Variants in SPG7 observed in about 807,000 individuals in gnomAD.
SPG7 encodes mitochondrial inner membrane m-AAA protease component paraplegin.
In SPG7, 103 loss-of-function variants were observed where a neutral mutation model predicts 81.9. The observed-to-expected ratio is 1.26, with a 90% CI of 1.07 to 1.48. The LOEUF (loss-of-function observed/expected upper bound fraction) is 1.48. Among genes scored for constraint, SPG7 ranks in the 40% most tolerant of loss-of-function variants. The pLI is 0.00. For synonymous variants in SPG7, 534 were observed against 444.2 expected, an observed-to-expected ratio of 1.20 and a Z score of -2.54; for missense variants, 1,241 against 1,087.3, an observed-to-expected ratio of 1.14 and a Z score of -1.99.
chr16:89,526,623 A>C, intron 5 of SPG7, 155 bp downstream of exon 5: 1 of 772,802 alleles, frequency 1.3e-6, no homozygotes, highest in Non-Finnish European at 2.3e-6. Flanking sequence ...TGAATGATAC[A>C]ATGCCAGGAG....
At chr16:89,532,397 G>T in intron 8 of SPG7, 66 bp from the exon 9 acceptor site, 1 of 1,568,208 alleles carries the variant, frequency 6.4e-7, no homozygotes, top group African/African-American at 1.4e-5. Flanking sequence ...TGTCTGGCCC[G>T]GGTACAGGAA....
At position 89,527,833 on chromosome 16, in the gene SPG7, G is replaced by T. The variant is rs375026017; in HGVS notation, c.758+1365G>T. On this transcript the variant is annotated intron_variant, in intron 5 of 16. Coordinates refer to ENST00000645818, the MANE Select transcript of SPG7 (RefSeq NM_003119.4). The stretch of plus-strand genomic sequence containing the variant: ...ACCTCTAGCCGGGTGCAGTGGCTAT[G>T]CCTGTAATCCCAGCACTTTGGAAGG... 9.2e-5 allele frequency among the ~76,000 whole-genome samples: 14 copies of T among 152,066 alleles called. 1 individual carries two copies. The South Asian group carries it at 2.9e-3, about 32-fold the overall frequency.
intron 9 of SPG7, among the ~76,000 whole-genome samples, chr16:89,536,582 G>GTGTGA (rs2058424814): frequency 1.1e-4 from 6 of 56,272 alleles, no homozygotes; most frequent in African/African-American, 3.3e-4. Flanking sequence ...CAGGTGAGGC[G>GTGTGA]GGTGAGGTGA....
chr16:89,557,758 G>A lies in SPG7; in HGVS notation c.*665G>A, dbSNP rs1171590915. On this transcript the variant is annotated 3_prime_UTR_variant, in exon 17 of 17. Coordinates refer to ENST00000645818, the MANE Select transcript of SPG7 (RefSeq NM_003119.4). ...ACTTTACTAATAAACTGTGTAGTTG[G>A]AAAATCTACATTTGCATTGTCTGGC... The A allele has an allele frequency of 6.5e-6, 1 of 153,310 alleles. No individual in the cohort carries two copies. Among genetic ancestry groups the A allele is most frequent in the Non-Finnish European group, 1.5e-5 (1 of 68,792 alleles). The allele number at this position is 153,310 out of a possible 1,614,324, so 9.5% of individuals were successfully genotyped here.
At chr16:89,523,834 C>T (rs757149764) in intron 3 of SPG7, 172 bp from the exon 4 acceptor site, 15 of 864,764 alleles carry the variant, frequency 1.7e-5, no homozygotes, top group Non-Finnish European at 2.6e-5. Context: ...AACAGCACAG[C>T]GTTAGTCTTT....
At chr16:89,552,770 G>T (rs1224666663) in intron 13 of SPG7, 1 of 612,596 alleles carries the variant, frequency 1.6e-6, no homozygotes, top group Non-Finnish European at 3.0e-6. Flanking sequence ...CTTCCCGGCA[G>T]TGTGTGAACA....
chr16:89,544,702 T>G lies in SPG7; in HGVS notation c.1379T>G (p.Ile460Ser). The change falls in exon 10 of 17, where the codon ATT becomes AGT. Residue 460 changes from isoleucine (I) to serine (S), a missense_variant. By Grantham distance (142) the Ile-to-Ser change is moderately radical (BLOSUM62 -2). Transcript: ENST00000645818. ...IVLASTNRAD[I>S]LDGALMRPGR... The stretch of plus-strand genomic sequence containing the variant: ...CTGGCGTCCACGAACCGAGCTGACA[T>G]TTTGGACGGTGCTCTGATGAGGCCA... 6.2e-7 allele frequency: 1 copy of G among 1,614,080 alleles called. No individual in the cohort carries two copies. Among genetic ancestry groups the G allele is most frequent in the Non-Finnish European group, 8.5e-7 (1 of 1,179,986 alleles).
chr16:89,532,107 C>G (rs1408051358), intron 8 of SPG7, 41 bp downstream of exon 8: 1 of 1,597,818 alleles, frequency 6.3e-7, no homozygotes, highest in Admixed American at 1.7e-5. Context: ...GCTTGGCTGA[C>G]TACCTGGCTC....
chr16:89,524,900 C>T (rs1161765553), intron 4 of SPG7, among the ~76,000 whole-genome samples: 1 of 151,686 alleles, frequency 6.6e-6, no homozygotes, highest in Non-Finnish European at 1.5e-5. Flanking sequence ...ACCAGAGCTT[C>T]TGCCCCTTTG....
In SPG7 at chr16:89,556,824, C is replaced by CA. The variant is rs1043718912; in HGVS notation, c.2182-62dup. On this transcript the variant is annotated intron_variant, in intron 16 of 16. Coordinates refer to ENST00000645818, the MANE Select transcript of SPG7 (RefSeq NM_003119.4). Reference sequence around the variant, plus strand: ...GCCCTCACGCCTCTTGCCACCTCCCCAGGACATAGAGATGCTCTGTCTGCC... The same window carrying CA: ...GCCCTCACGCCTCTTGCCACCTCCCCAAGGACATAGAGATGCTCTGTCTGCC... The CA allele has an allele frequency of 9.0e-6, 12 of 1,340,490 alleles. No individual in the cohort carries two copies. The Middle Eastern group carries it at 5.8e-4, about 64-fold the overall frequency. 83.0% of individuals were successfully genotyped at this position (1,340,490 alleles called of 1,614,324 possible). A position where few individuals can be genotyped will look rare whatever the true frequency, so the allele number is the denominator to read the frequency against.
intron 1 of SPG7, chr16:89,508,970 A>G (rs1441257547): frequency 2.0e-6 from 1 of 491,254 alleles, no homozygotes; most frequent in Non-Finnish European, 4.0e-6. Context: ...GTCACCAGGA[A>G]TTCCAGCGCC....
chr16:89,546,576 C>A (rs1399109555), intron 10 of SPG7, 82 bp from the exon 11 acceptor site: 3 of 932,822 alleles, frequency 3.2e-6, no homozygotes, highest in South Asian at 1.3e-5. Context: ...TGGGGACCCC[C>A]CCCCCCCACA....
rs1001668948 is a variant in SPG7 at position 89,508,552 on chromosome 16, C to T, written c.135C>T (p.Ala45=). ...ARPGRGRPYM[A]SRPPGDLAEA... ...CCGGGAGGGGGCGGCCGTACATGGC[C>T]AGCAGGCCTCCGGGGGACCTCGCCG... The change falls in exon 1 of 17, where the codon GCC becomes GCT. Residue 45 remains alanine (A), a synonymous_variant. Transcript: ENST00000645818. 7 of 1,506,348 alleles carry T rather than the reference C, an allele frequency of 4.6e-6. No homozygotes were observed. Among genetic ancestry groups the T allele is most frequent in the Admixed American group, 2.1e-5 (1 of 47,046 alleles). The allele number at this position is 1,506,348 out of a possible 1,614,324, so 93.3% of individuals were successfully genotyped here.
At chr16:89,509,218 C>G (rs1243264409) in intron 1 of SPG7, among the ~76,000 whole-genome samples, 2 of 152,128 alleles carry the variant, frequency 1.3e-5, no homozygotes, top group Non-Finnish European at 2.9e-5. Context: ...TCTCCTAGCC[C>G]TCGCCTAGGA....
chr16:89,526,110 A>G (rs1220854412), intron 4 of SPG7, among the ~76,000 whole-genome samples: 1 of 152,210 alleles, frequency 6.6e-6, no homozygotes, highest in African/African-American at 2.4e-5. Context: ...TCGTAGGTCA[A>G]GGAGCTTAGT....
intron 5 of SPG7, 36 bp downstream of exon 5, chr16:89,526,504 C>G (rs766029628): frequency 1.2e-6 from 2 of 1,613,050 alleles, no homozygotes; most frequent in African/African-American, 2.7e-5. Context: ...TTGAACTAAA[C>G]CTAACTTGGC....
At chr16:89,533,091 A>AAAAAAAAAC in intron 9 of SPG7, 1 of 178,596 alleles carries the variant, frequency 5.6e-6, no homozygotes, top group African/African-American at 2.4e-5. Flanking sequence ...AAAAAAAAAA[A>AAAAAAAAAC]AACACAGCTT....
intron 3 of SPG7, chr16:89,514,682 T>C (rs2152395486): frequency 6.6e-6 from 1 of 151,692 alleles, no homozygotes; most frequent in African/African-American, 2.4e-5. Context: ...TTTGTTTTAT[T>C]AGAGACTGGG....
intron 6 of SPG7, 138 bp downstream of exon 6, chr16:89,529,717 C>A: frequency 1.4e-6 from 1 of 725,690 alleles, no homozygotes; most frequent in South Asian, 1.5e-5. Context: ...GACAGCAGCT[C>A]ACCTTCCTTT....
Sources: gnomAD v4.1 joint callset for allele counts (sites outside exome capture counted in the v4.1 genomes callset) on GRCh38, gnomAD v4.1.1 for gene constraint, MANE v1.5 for transcripts, NCBI Gene and HGNC (gene_info 2026-07-23, HGNC 2026-07-21) for gene names.